ACOXL: variants seen among roughly 807,000 people sequenced by gnomAD.
ACOXL encodes the protein acyl-coenzyme A oxidase-like protein.
In ACOXL, 70 loss-of-function variants were observed where a neutral mutation model predicts 71.9. The ratio of observed to expected loss-of-function variants is 0.97; its 90% confidence interval spans 0.80 to 1.19. The LOEUF is 1.19. ACOXL is among the 50% of genes most tolerant of loss of function. The pLI, the probability that ACOXL is intolerant of heterozygous loss-of-function variation, is 0.00. For missense variants in ACOXL, 703 were observed against 736.3 expected, an observed-to-expected ratio of 0.95 and a Z score of 0.52; for synonymous variants, 253 against 281.6, an observed-to-expected ratio of 0.90 and a Z score of 1.02.
intron 9 of ACOXL, among the ~76,000 whole-genome samples, chr2:110,834,012 G>T (rs575831884): frequency 1.9e-4 from 29 of 152,270 alleles, no homozygotes; most frequent in African/African-American, 7.0e-4. Context: ...CAATGGGCTT[G>T]CACTTTCCTG....
intron 12 of ACOXL, among the ~76,000 whole-genome samples, chr2:110,981,819 G>A (rs901432552): frequency 4.6e-5 from 7 of 152,112 alleles, no homozygotes; most frequent in African/African-American, 1.7e-4. Flanking sequence ...TATCTGCACT[G>A]GAAGACCCCG....
intron 10 of ACOXL, among the ~76,000 whole-genome samples, chr2:110,878,797 C>T (rs1015570944): frequency 6.6e-6 from 1 of 151,128 alleles, no homozygotes. Context: ...CGGTGGCTCA[C>T]ACCTGTAATC....
intron 10 of ACOXL, among the ~76,000 whole-genome samples, chr2:110,906,487 G>A (rs2059448198): frequency 6.9e-6 from 1 of 145,044 alleles, no homozygotes; most frequent in African/African-American, 2.6e-5. Context: ...GCACTGAGCC[G>A]AGATTGCGCC....
intron 14 of ACOXL, among the ~76,000 whole-genome samples, chr2:111,026,734 C>G (rs1454479825): frequency 6.6e-6 from 1 of 151,954 alleles, no homozygotes; most frequent in Non-Finnish European, 1.5e-5. Context: ...GATTCAAATC[C>G]CAAGAGGGGG....
intron 12 of ACOXL, among the ~76,000 whole-genome samples, chr2:110,969,876 G>A (rs2062105572): frequency 6.6e-6 from 1 of 151,784 alleles, no homozygotes; most frequent in African/African-American, 2.4e-5. Context: ...ACAACTTAGA[G>A]GAAATGGACC....
chr2:110,881,971 A>G (rs1696706198), intron 10 of ACOXL, among the ~76,000 whole-genome samples: 1 of 152,026 alleles, frequency 6.6e-6, no homozygotes, highest in South Asian at 2.1e-4. Context: ...GACATATGCT[A>G]TCTTTTCTCT....
Position 110,736,113 on chromosome 2 carries a change from C to G in ACOXL, c.-23+3339C>G, listed in dbSNP as rs956978990. Among the ~76,000 whole-genome samples, 3 of 152,134 alleles carry G rather than the reference C, an allele frequency of 2.0e-5. No homozygotes were observed. The East Asian group carries it at 5.8e-4, about 29-fold the overall frequency. ...AACCTTTTCATGTGTTTAGCTTTTC[C>G]CCATGAGTATTTCATGAACACGTTC... On this transcript the variant is annotated intron_variant, in intron 1 of 17. Transcript: ENST00000439055.
At chr2:111,046,918 A>G (rs2066043179) in intron 15 of ACOXL, among the ~76,000 whole-genome samples, 1 of 152,196 alleles carries the variant, frequency 6.6e-6, no homozygotes, top group Non-Finnish European at 1.5e-5. Context: ...CCATAGGCAT[A>G]GGGCTCCAGC....
chr2:110,881,385 A>G (rs1343890810), intron 10 of ACOXL, among the ~76,000 whole-genome samples: 1 of 152,132 alleles, frequency 6.6e-6, no homozygotes, highest in Non-Finnish European at 1.5e-5. Flanking sequence ...TAAAAATTAT[A>G]TCATAAATTG....
chr2:111,038,892 T>G (rs2065649110), intron 15 of ACOXL, among the ~76,000 whole-genome samples: 1 of 152,166 alleles, frequency 6.6e-6, no homozygotes. Flanking sequence ...CAAAATGAAC[T>G]ATAGAAAAAA....
chr2:110,938,648 A>G (rs1367145804), intron 12 of ACOXL, among the ~76,000 whole-genome samples: 1 of 152,226 alleles, frequency 6.6e-6, no homozygotes, highest in Admixed American at 6.5e-5. Flanking sequence ...TGACAGACAG[A>G]TGGACAGATA....
intron 10 of ACOXL, among the ~76,000 whole-genome samples, chr2:110,862,322 G>A (rs1159117116): frequency 6.6e-6 from 1 of 152,172 alleles, no homozygotes; most frequent in Non-Finnish European, 1.5e-5. Flanking sequence ...GTTATCAAGA[G>A]GGAGAGCACG....
intron 10 of ACOXL, among the ~76,000 whole-genome samples, chr2:110,884,972 G>A (rs1697104770): frequency 6.6e-6 from 1 of 151,992 alleles, no homozygotes; most frequent in South Asian, 2.1e-4. Context: ...AATTTCCAGG[G>A]CTTTTAATGA....
At chr2:110,821,980 CGTGT>C (rs1688664440) in intron 9 of ACOXL, among the ~76,000 whole-genome samples, 2 of 151,130 alleles carry the variant, frequency 1.3e-5, no homozygotes, top group African/African-American at 4.9e-5. Context: ...TGTGTGCGTG[CGTGT>C]GTGTATGTGC....
intron 9 of ACOXL, among the ~76,000 whole-genome samples, chr2:110,808,572 C>A (rs368379446): frequency 1.2e-4 from 19 of 152,304 alleles, no homozygotes; most frequent in African/African-American, 4.3e-4. Flanking sequence ...CACTGTACCC[C>A]CTCTCTCCAC....
intron 16 of ACOXL, among the ~76,000 whole-genome samples, chr2:111,068,955 C>T (rs1017001125): frequency 1.3e-5 from 2 of 152,086 alleles, no homozygotes; most frequent in Non-Finnish European, 2.9e-5. Context: ...TCTGAATTTT[C>T]CTGAAATACA....
intron 1 of ACOXL, among the ~76,000 whole-genome samples, chr2:110,740,248 A>G (rs1677353176): frequency 6.6e-6 from 1 of 152,260 alleles, no homozygotes; most frequent in African/African-American, 2.4e-5. Flanking sequence ...ATTATCTTCC[A>G]AAGGCTCCAG....
At chr2:110,973,410 G>T (rs930755402) in intron 12 of ACOXL, among the ~76,000 whole-genome samples, 9 of 152,166 alleles carry the variant, frequency 5.9e-5, no homozygotes, top group Non-Finnish European at 1.3e-4. Context: ...CGATCACGCT[G>T]CCCTCATGGG....
chr2:111,002,675 G>A (rs970638315), intron 14 of ACOXL, among the ~76,000 whole-genome samples: 3 of 152,082 alleles, frequency 2.0e-5, no homozygotes, highest in African/African-American at 4.8e-5. Flanking sequence ...AACTTTCTAA[G>A]TTTTTACCGT....
Sources: allele counts gnomAD v4.1 joint callset (sites outside exome capture counted in the v4.1 genomes callset), GRCh38; gene constraint gnomAD v4.1.1; transcripts MANE v1.5; gene names NCBI Gene and HGNC (gene_info 2026-07-23, HGNC 2026-07-21).